Variants in RAB1B observed in about 807,000 individuals in gnomAD.
The protein encoded by RAB1B is ras-related protein Rab-1B.
A neutral mutation model predicts 24.8 loss-of-function variants in RAB1B; 10 were observed. That is an observed-to-expected ratio of 0.40 (90% CI 0.25 to 0.68). The LOEUF (loss-of-function observed/expected upper bound fraction) is 0.68. Ranked by LOEUF, RAB1B falls within the 30% of genes least tolerant of loss-of-function variation. RAB1B has a pLI of 0.37. For missense variants in RAB1B, 154 were observed against 271.2 expected (o/e 0.57, Z 3.04); for synonymous variants, 99 against 111.7 (o/e 0.89, Z 0.72).
At chr11:66,273,281 G>A (rs764987471) in intron 4 of RAB1B, among the ~76,000 whole-genome samples, 11 of 152,190 alleles carry the variant, frequency 7.2e-5, no homozygotes, top group Admixed American at 4.6e-4. Flanking sequence ...AGGAGCAGCC[G>A]GGCTCTTTAG....
intron 2 of RAB1B, 37 bp from the exon 3 acceptor site, chr11:66,272,120 T>A (rs780959402): frequency 6.7e-7 from 1 of 1,488,608 alleles, no homozygotes; most frequent in African/African-American, 1.4e-5. Flanking sequence ...CCTCACCTCA[T>A]TAACTCCCAT....
At position 66,268,704 on chromosome 11, in the gene RAB1B, C is replaced by A; in HGVS notation, c.14+11C>A. 2.6e-6 allele frequency: 4 copies of A among 1,564,112 alleles called. No individual in the cohort carries two copies. Among genetic ancestry groups the A allele is most frequent in the Non-Finnish European group, 3.5e-6 (4 of 1,157,158 alleles). ...CATGAACCCCGAATAGTGAGTGAGCCCCGCCCGCGCCGTCCAGCGCAGCCT... is the reference window on the plus strand; with the variant it reads ...CATGAACCCCGAATAGTGAGTGAGCACCGCCCGCGCCGTCCAGCGCAGCCT... On this transcript the variant is annotated intron_variant, in intron 1 of 5. Transcript: ENST00000311481.
Position 66,271,712 on chromosome 11 carries a change from T to G in RAB1B, c.15-85T>G, listed in dbSNP as rs1590884446. ...ATAAACCAAGGGATGCCTCATGGGG[T>G]GGGGGAATCCTGTAATTGTGACTCC... On this transcript the variant is annotated intron_variant, in intron 1 of 5. Coordinates refer to ENST00000311481, the MANE Select transcript of RAB1B (RefSeq NM_030981.3). The G allele has an allele frequency of 7.6e-6, 7 of 924,966 alleles. No homozygotes were observed. In the East Asian group the frequency reaches 1.2e-4, roughly 16 times the overall value. The allele number at this position is 924,966 out of a possible 1,614,324, so 57.3% of individuals were successfully genotyped here.
chr11:66,275,075 T>TC (rs1294815317), intron 4 of RAB1B, among the ~76,000 whole-genome samples: 1 of 152,066 alleles, frequency 6.6e-6, no homozygotes, highest in Non-Finnish European at 1.5e-5. Context: ...AAGTATGATT[T>TC]CCCCCTTTGT....
chr11:66,270,763 C>T (rs1405974723), intron 1 of RAB1B: 1 of 152,286 alleles, frequency 6.6e-6, no homozygotes, highest in African/African-American at 2.4e-5. Flanking sequence ...TAGGCTGGGC[C>T]CTGGCTTCTA....
chr11:66,273,107 C>G (rs1021330762), intron 4 of RAB1B, among the ~76,000 whole-genome samples: 6 of 152,238 alleles, frequency 3.9e-5, no homozygotes, highest in Admixed American at 1.3e-4. Flanking sequence ...GGTGAGGTGA[C>G]TTGCCGAGGG....
intron 4 of RAB1B, 120 bp downstream of exon 4, chr11:66,272,580 T>C (rs1375974173): frequency 1.1e-5 from 7 of 645,384 alleles, no homozygotes; most frequent in Non-Finnish European, 1.8e-5. Context: ...ATTTGTCTGC[T>C]TACAGGAACT....
chr11:66,272,483 C>A, intron 4 of RAB1B, 23 bp downstream of exon 4: 2 of 1,503,584 alleles, frequency 1.3e-6, no homozygotes, highest in South Asian at 1.3e-5. Flanking sequence ...TAGCCATCCT[C>A]AGCTTGGCCT....
At chr11:66,273,810 A>G (rs141655131) in intron 4 of RAB1B, among the ~76,000 whole-genome samples, 1 of 152,240 alleles carries the variant, frequency 6.6e-6, no homozygotes, top group Non-Finnish European at 1.5e-5. Context: ...GAGAGGTGTT[A>G]AGTAACTTGC....
rs376818036 is a variant in RAB1B at position 66,275,945 on chromosome 11, G to A, written c.411+10G>A. ...CAACACCACAGCCAAGGTAGCAGAC[G>A]GGCCGGTCTGCCCGGGGTCGGGGCG... On this transcript the variant is annotated intron_variant, in intron 5 of 5. Transcript: ENST00000311481. 10 of 1,611,004 alleles carry A rather than the reference G, an allele frequency of 6.2e-6. No homozygotes were observed. Among genetic ancestry groups the A allele is most frequent in the African/African-American group, 4.0e-5 (3 of 74,912 alleles).
In RAB1B at chr11:66,268,640, G is replaced by C. The variant is rs1856981321; in HGVS notation, c.-40G>C. 1.3e-6 allele frequency: 2 copies of C among 1,555,398 alleles called. No homozygotes were observed. Among genetic ancestry groups the C allele is most frequent in the Non-Finnish European group, 8.7e-7 (1 of 1,151,818 alleles). ...CCATCTTGGAACGGGAGGCGGAGCA[G>C]AGTCGACTGGGAGCGACCGAGCGGG... On this transcript the variant is annotated 5_prime_UTR_variant, in exon 1 of 6. Transcript: ENST00000311481.
Position 66,268,661 on chromosome 11 carries a change from G to C in RAB1B, c.-19G>C. On this transcript the variant is annotated 5_prime_UTR_variant, in exon 1 of 6. Coordinates refer to ENST00000311481, the MANE Select transcript of RAB1B (RefSeq NM_030981.3). ...AGCAGAGTCGACTGGGAGCGACCGA[G>C]CGGGCCGCCGCCGCCGCCATGAACC... 2 of 1,562,230 alleles carry C rather than the reference G, an allele frequency of 1.3e-6. No individual in the cohort carries two copies. The highest frequency in any genetic ancestry group is 1.7e-6 in the Non-Finnish European group (2 of 1,155,820).
In RAB1B at chr11:66,276,167, T is replaced by C. The variant is rs759968648; in HGVS notation, c.535T>C (p.Ser179Pro). 1.5e-5 allele frequency: 24 copies of C among 1,610,496 alleles called. 1 individual carries two copies. The East Asian group carries it at 4.2e-4, about 28-fold the overall frequency. The change falls in exon 6 of 6, where the codon TCT becomes CCT. Residue 179 changes from serine (S) to proline (P), a missense_variant. Ser to Pro is a moderately conservative substitution (Grantham distance 74). Coordinates refer to ENST00000311481, the MANE Select transcript of RAB1B (RefSeq NM_030981.3). ...IKKRMGPGAA[S>P]GGERPNLKID... Reference sequence around the variant, plus strand: ...AAAGCGGATGGGGCCTGGAGCAGCCTCTGGGGGCGAGCGGCCCAATCTCAA... The same window carrying C: ...AAAGCGGATGGGGCCTGGAGCAGCCCCTGGGGGCGAGCGGCCCAATCTCAA...
rs140356034 is a variant in RAB1B at position 66,276,107 on chromosome 11, G to A, written c.475G>A (p.Glu159Lys). Residue 159 changes from glutamate (E) to lysine (K), a missense_variant, in exon 6 of 6, where the codon GAG (glutamate) becomes AAG (lysine). Around this residue, in one of 2 missense-constraint regions of RAB1B, gnomAD observed 77 missense variants for 97.8 expected, o/e 0.79. Transcript: ENST00000311481. ...ETSAKNATNV[E>K]QAFMTMAAEI... ...GAGCGCCAAGAATGCCACCAATGTCGAGCAGGCGTTCATGACCATGGCTGC... is the reference window on the plus strand; with the variant it reads ...GAGCGCCAAGAATGCCACCAATGTCAAGCAGGCGTTCATGACCATGGCTGC... The A allele has an allele frequency of 6.2e-7, 1 of 1,613,906 alleles. No individual in the cohort carries two copies.
chr11:66,270,550 C>T (rs539240270), intron 1 of RAB1B: 1 of 152,454 alleles, frequency 6.6e-6, no homozygotes, highest in Non-Finnish European at 1.5e-5. Flanking sequence ...TGCACTCCAG[C>T]CTGGTGAGAG....
In RAB1B at chr11:66,275,875, C is replaced by T; in HGVS notation, c.351C>T (p.Leu117=). The change falls in exon 5 of 6, where the codon CTC becomes CTT. Residue 117 remains leucine (L), a synonymous_variant. Transcript: ENST00000311481. Reference sequence around the variant, plus strand: ...ATGCCAGCGAGAACGTCAATAAGCTCCTGGTGGGCAACAAGAGCGACCTCA... The same window carrying T: ...ATGCCAGCGAGAACGTCAATAAGCTTCTGGTGGGCAACAAGAGCGACCTCA... ...DRYASENVNK[L]LVGNKSDLTT... is the part of the protein sequence containing the mutation. The T allele has an allele frequency of 1.2e-6, 2 of 1,606,636 alleles. No homozygotes were observed.
chr11:66,275,799 T>C lies in RAB1B; in HGVS notation c.280-5T>C. 1 of 1,572,352 alleles carries C rather than the reference T, an allele frequency of 6.4e-7. No homozygotes were observed. Among genetic ancestry groups the C allele is most frequent in the Non-Finnish European group, 8.6e-7 (1 of 1,158,712 alleles). On this transcript the variant is annotated splice_polypyrimidine_tract_variant and splice_region_variant and intron_variant, in intron 4 of 5. Coordinates refer to ENST00000311481, the MANE Select transcript of RAB1B (RefSeq NM_030981.3). ...AAAATAACTTTGGCCCCTGGCCCCC[T>C]TTAGGAATCCTACGCCAACGTGAAG...
chr11:66,271,676 A>G (rs1229014091), intron 1 of RAB1B, 121 bp from the exon 2 acceptor site: 1 of 705,420 alleles, frequency 1.4e-6, no homozygotes, highest in Admixed American at 2.3e-5. Flanking sequence ...ATTGCTAAAA[A>G]AAAAATAAAA....
intron 1 of RAB1B, 61 bp downstream of exon 1, chr11:66,268,754 C>G: frequency 2.7e-6 from 4 of 1,499,218 alleles, no homozygotes; most frequent in Non-Finnish European, 3.6e-6. Context: ...GGGCTGTACG[C>G]TTACCGGGGT....
Sources: allele counts gnomAD v4.1 joint callset (sites outside exome capture counted in the v4.1 genomes callset), GRCh38; gene constraint gnomAD v4.1.1; regional missense constraint gnomAD v4.1.1; transcripts MANE v1.5; gene names NCBI Gene and HGNC (gene_info 2026-07-23, HGNC 2026-07-21).